ITGAE: variants seen among roughly 807,000 people sequenced by gnomAD.
The protein encoded by ITGAE is integrin alpha-E.
ITGAE carries 99 observed loss-of-function variants against 136.5 expected under a neutral mutation model. The ratio of observed to expected loss-of-function variants is 0.73; its 90% CI spans 0.62 to 0.86. The LOEUF (loss-of-function observed/expected upper bound fraction) is 0.86. Among genes scored for constraint, ITGAE ranks in the 40% least tolerant of loss-of-function variants. ITGAE has a pLI of 0.00. For missense variants in ITGAE, 1,447 were observed against 1,515.3 expected, an observed-to-expected ratio of 0.95 and a Z score of 0.75; for synonymous variants, 613 against 591.8, an observed-to-expected ratio of 1.04 and a Z score of -0.52.
rs187238765 is a variant in ITGAE at position 3,746,098 on chromosome 17, G to A, written c.2156-171C>T. Among the ~76,000 whole-genome samples, 196 of 152,252 alleles carry A rather than the reference G, an allele frequency of 1.3e-3. No homozygotes were observed. The Middle Eastern group carries it at 0.044, about 34-fold the overall frequency. ...GTTTTTCAAAGATATTTTTCTCACC[G>A]TCTTCTGACACCTGACCAGGGTCTC... On this transcript the variant is annotated intron_variant, in intron 17 of 30. Transcript: ENST00000263087.
Position 3,761,384 on chromosome 17 carries a change from G to T in ITGAE, c.433+19C>A. The T allele has an allele frequency of 1.2e-6, 2 of 1,602,002 alleles. No individual in the cohort carries two copies. Among genetic ancestry groups the T allele is most frequent in the Non-Finnish European group, 1.7e-6 (2 of 1,173,876 alleles). ...ATCTCTTTAGAGCTATCCAAGGCCAGTGAATGTCCAATCCTTACCAAGGTC... is the reference window on the plus strand; with the variant it reads ...ATCTCTTTAGAGCTATCCAAGGCCATTGAATGTCCAATCCTTACCAAGGTC... On this transcript the variant is annotated intron_variant, in intron 5 of 30. Transcript: ENST00000263087.
In ITGAE at chr17:3,769,209, T is replaced by A. The variant is rs55985238; in HGVS notation, c.156-5249A>T. On this transcript the variant is annotated intron_variant, in intron 2 of 30. Transcript: ENST00000263087. Reference sequence around the variant, plus strand: ...TCCTCAGTCCTCTGCCCGGACTGTTTCCTCTGCCTGCGATCCCTCCTGCTG... The same window carrying A: ...TCCTCAGTCCTCTGCCCGGACTGTTACCTCTGCCTGCGATCCCTCCTGCTG... 4.1e-3 allele frequency among the ~76,000 whole-genome samples: 628 copies of A among 152,178 alleles called. 3 individuals carry two copies. Among genetic ancestry groups the A allele is most frequent in the Admixed American group, 7.4e-3 (113 of 15,280 alleles).
intron 13 of ITGAE, 47 bp from the exon 14 acceptor site, chr17:3,753,477 C>T (rs778809576): frequency 1.3e-6 from 2 of 1,598,500 alleles, no homozygotes; most frequent in East Asian, 2.2e-5. Flanking sequence ...CGCTCCTGCA[C>T]CCCTCAGCAA....
intron 1 of ITGAE, among the ~76,000 whole-genome samples, chr17:3,797,510 G>C (rs1022956243): frequency 6.8e-6 from 1 of 147,390 alleles, no homozygotes; most frequent in African/African-American, 2.5e-5. Context: ...TTCCAGGCTG[G>C]AGTGCAGTGG....
At chr17:3,800,315 A>G (rs1375460036) in intron 1 of ITGAE, among the ~76,000 whole-genome samples, 3 of 152,008 alleles carry the variant, frequency 2.0e-5, no homozygotes, top group Non-Finnish European at 4.4e-5. Context: ...TTTCATCCAC[A>G]TAAGCTTGAT....
rs144804272 is a variant in ITGAE, at chr17:3,794,252, C to T, written c.34+6859G>A. On this transcript the variant is annotated intron_variant, in intron 1 of 30. Transcript: ENST00000263087. The stretch of plus-strand genomic sequence containing the variant: ...TCGGCCTCCTAAAGTGCTGGAATTA[C>T]AGGCGTGAGCCACCGTGCCTGGCCT... 2.0e-4 allele frequency among the ~76,000 whole-genome samples: 31 copies of T among 152,286 alleles called. No homozygotes were observed. The East Asian group carries it at 5.6e-3, about 28-fold the overall frequency.
intron 2 of ITGAE, among the ~76,000 whole-genome samples, chr17:3,769,268 A>G (rs527535346): frequency 1.3e-5 from 2 of 152,288 alleles, no homozygotes; most frequent in Admixed American, 6.5e-5. Context: ...GCTCCTCAGG[A>G]AGCCTTCCCA....
intron 2 of ITGAE, among the ~76,000 whole-genome samples, chr17:3,765,954 G>A (rs1430295600): frequency 6.6e-6 from 1 of 152,140 alleles, no homozygotes; most frequent in African/African-American, 2.4e-5. Context: ...CCCAAAGAAG[G>A]CCACGTCCTA....
intron 24 of ITGAE, 192 bp downstream of exon 24, chr17:3,729,286 A>C (rs558804038): frequency 1.4e-5 from 8 of 576,780 alleles, no homozygotes; most frequent in African/African-American, 1.3e-4. Context: ...TTTGATGACC[A>C]CAGTGGGGTT....
At chr17:3,717,654 C>T (rs1000245987) in intron 29 of ITGAE, 1 of 152,138 alleles carries the variant, frequency 6.6e-6, no homozygotes, top group Non-Finnish European at 1.5e-5. Flanking sequence ...GTCAGGGGTG[C>T]TTTGGAGAGG....
intron 19 of ITGAE, among the ~76,000 whole-genome samples, chr17:3,740,658 G>A (rs1433818512): frequency 6.6e-6 from 1 of 152,244 alleles, no homozygotes; most frequent in Non-Finnish European, 1.5e-5. Context: ...TTACAGGTGT[G>A]AGCCACCGCG....
chr17:3,799,289 A>C lies in ITGAE; in HGVS notation c.34+1822T>G, dbSNP rs1235203550. On this transcript the variant is annotated intron_variant, in intron 1 of 30. Coordinates refer to ENST00000263087, the MANE Select transcript of ITGAE (RefSeq NM_002208.5). The surrounding 1 kb of genome is among the most constrained non-coding windows in gnomAD (Gnocchi z 4.1). ...GCCTCGTTTCCGCCACCCACACCGG[A>C]GCTGCGGGGGCCCTGCTCTGGTCCC... Among the ~76,000 whole-genome samples, 5 of 152,090 alleles carry C rather than the reference A, an allele frequency of 3.3e-5. No homozygotes were observed. The highest frequency in any genetic ancestry group is 2.6e-4 in the Admixed American group (4 of 15,266).
intron 2 of ITGAE, among the ~76,000 whole-genome samples, chr17:3,775,717 G>A (rs1244002364): frequency 6.6e-6 from 1 of 151,976 alleles, no homozygotes; most frequent in East Asian, 1.9e-4. Flanking sequence ...TGATCCACCG[G>A]CCTCGGCCTC....
chr17:3,785,063 G>A (rs1015008476), intron 1 of ITGAE, among the ~76,000 whole-genome samples: 33 of 152,070 alleles, frequency 2.2e-4, no homozygotes, highest in African/African-American at 7.5e-4. Context: ...GAGGTGGGAG[G>A]ACTGCTTGAG....
At chr17:3,783,432 C>T (rs11658999) in intron 1 of ITGAE, among the ~76,000 whole-genome samples, 5,908 of 152,326 alleles carry the variant, frequency 0.039, 198 homozygotes, top group East Asian at 0.13. Context: ...GCGTGAGCCA[C>T]CGCGCCTAGC....
chr17:3,734,525 T>A (rs923117504), intron 21 of ITGAE, among the ~76,000 whole-genome samples: 2 of 152,206 alleles, frequency 1.3e-5, no homozygotes, highest in Middle Eastern at 3.2e-3. Flanking sequence ...ACTTTCCCAG[T>A]CTAAGCTAAT....
At chr17:3,767,253 T>C (rs2052322212) in intron 2 of ITGAE, among the ~76,000 whole-genome samples, 1 of 152,134 alleles carries the variant, frequency 6.6e-6, no homozygotes, top group African/African-American at 2.4e-5. Context: ...CCCGCCACCA[T>C]GACCAGCTAA....
intron 3 of ITGAE, among the ~76,000 whole-genome samples, chr17:3,763,557 T>G (rs904121312): frequency 1.3e-5 from 2 of 152,106 alleles, no homozygotes; most frequent in African/African-American, 4.8e-5. Context: ...CTTCCTCTCT[T>G]ATAAATGGCG....
intron 1 of ITGAE, among the ~76,000 whole-genome samples, chr17:3,789,492 C>G (rs969410866): frequency 3.2e-5 from 4 of 125,472 alleles, no homozygotes; most frequent in Non-Finnish European, 6.7e-5. Flanking sequence ...TCTCTCTTTC[C>G]TTCTTTTTTT....
Sources: allele counts gnomAD v4.1 joint callset (sites outside exome capture counted in the v4.1 genomes callset), GRCh38; gene constraint gnomAD v4.1.1; non-coding constraint Gnocchi (gnomAD v3.1); transcripts MANE v1.5; gene names NCBI Gene and HGNC (gene_info 2026-07-23, HGNC 2026-07-21).